Variants in GARNL3 observed in about 807,000 individuals in gnomAD.
The protein encoded by GARNL3 is GTPase activating Rap/RanGAP domain like 3.
In GARNL3, 63 loss-of-function variants were observed where a neutral mutation model predicts 125.0. The ratio of observed to expected loss-of-function variants is 0.50; its 90% CI spans 0.41 to 0.62. GARNL3 has a LOEUF of 0.62. Ranked by LOEUF, GARNL3 falls within the 20% of genes least tolerant of loss-of-function variation. The probability of loss-of-function intolerance (pLI) is 0.00; values close to 1 mark genes in which losing one functional copy is unlikely to be tolerated. For missense variants in GARNL3, 994 were observed against 1,244.0 expected (o/e 0.80, Z 3.02); for synonymous variants, 439 against 457.5 (o/e 0.96, Z 0.52).
At chr9:127,367,116 C>T (rs1588945605) in intron 22 of GARNL3, 2 of 152,146 alleles carry the variant, frequency 1.3e-5, no homozygotes, top group East Asian at 3.8e-4. Flanking sequence ...TTCCATATTT[C>T]TTTTTCCCAA....
chr9:127,311,674 C>A lies in GARNL3; in HGVS notation c.258C>A (p.Asp86Glu). The change falls in exon 3 of 28, where the codon GAC becomes GAA. Residue 86 changes from aspartate to glutamate, a missense_variant. This residue lies in a region of GARNL3 where 139 missense variants were observed against 231.6 expected (regional missense o/e 0.60). Transcript: ENST00000373387. ...TALPGTWRRT[D>E]VHLENPEYHT... ...TGCCTGGTACTTGGCGAAGAACAGACGTGCACTTAGAGAACCCAGAATACC... is the reference window on the plus strand; with the variant it reads ...TGCCTGGTACTTGGCGAAGAACAGAAGTGCACTTAGAGAACCCAGAATACC... The A allele has an allele frequency of 6.2e-7, 1 of 1,613,968 alleles. No homozygotes were observed. The highest frequency in any genetic ancestry group is 8.5e-7 in the Non-Finnish European group (1 of 1,179,852).
chr9:127,289,295 AT>A (rs2064343537), intron 1 of GARNL3, among the ~76,000 whole-genome samples: 1 of 152,228 alleles, frequency 6.6e-6, no homozygotes, highest in Non-Finnish European at 1.5e-5. Flanking sequence ...CTCAGGTTTG[AT>A]AGTTTGCTAG....
chr9:127,261,289 ACCCAGG>A (rs939920638), upstream of GARNL3, among the ~76,000 whole-genome samples: 2 of 151,270 alleles, frequency 1.3e-5, no homozygotes, highest in African/African-American at 4.9e-5. Context: ...GTCATTTAAG[ACCCAGG>A]CCCCTTCATA....
chr9:127,367,137 G>A (rs756017234), intron 22 of GARNL3: 1 of 152,176 alleles, frequency 6.6e-6, no homozygotes, highest in Non-Finnish European at 1.5e-5. Context: ...GACATTGGGA[G>A]GCATCTGGTG....
intron 2 of GARNL3, among the ~76,000 whole-genome samples, chr9:127,254,030 C>T (rs909285905): frequency 1.3e-5 from 2 of 152,166 alleles, no homozygotes; most frequent in East Asian, 3.8e-4. Flanking sequence ...GAGATGGCTT[C>T]ATGGGATTTT....
Position 127,365,211 on chromosome 9 carries a change from C to T in GARNL3, c.2095-89C>T, listed in dbSNP as rs979825430. 7 of 1,080,450 alleles carry T rather than the reference C, an allele frequency of 6.5e-6. 1 individual carries two copies. The highest frequency in any genetic ancestry group is 4.3e-6 in the Non-Finnish European group (3 of 694,842). The allele number at this position is 1,080,450 out of a possible 1,614,324, so 66.9% of individuals were successfully genotyped here. On this transcript the variant is annotated intron_variant, in intron 21 of 27. Transcript: ENST00000373387. Reference sequence around the variant, plus strand: ...ATGGCACCTGCATGACAGAGGGCCTCGGCCTCCACAAATGCTCACAACTTG... The same window carrying T: ...ATGGCACCTGCATGACAGAGGGCCTTGGCCTCCACAAATGCTCACAACTTG...
At chr9:127,381,383 T>C (rs1010006874) in intron 22 of GARNL3, among the ~76,000 whole-genome samples, 1 of 152,050 alleles carries the variant, frequency 6.6e-6, no homozygotes, top group African/African-American at 2.4e-5. Flanking sequence ...CCTTTTTTTT[T>C]CAGAAATTAG....
intron 1 of GARNL3, among the ~76,000 whole-genome samples, chr9:127,231,354 G>A (rs1350143656): frequency 1.3e-5 from 2 of 151,090 alleles, no homozygotes; most frequent in Admixed American, 1.3e-4. Context: ...TTACAGGCGT[G>A]AGCCACTGCG....
chr9:127,232,317 G>A (rs771772416), intron 1 of GARNL3, among the ~76,000 whole-genome samples: 3 of 152,010 alleles, frequency 2.0e-5, no homozygotes, highest in Non-Finnish European at 4.4e-5. Context: ...CCTTCTTTTT[G>A]TCTTTTTAAA....
At position 127,387,551 on chromosome 9, in the gene GARNL3, T is replaced by C. The variant is rs192052452; in HGVS notation, c.2527+220T>C. On this transcript the variant is annotated intron_variant, in intron 25 of 27. Transcript: ENST00000373387. The stretch of plus-strand genomic sequence containing the variant: ...TAAGGCCAGGAGTTCAAGACCAGCC[T>C]GACCAACATGGTGAAACCCCATCTC... Among the ~76,000 whole-genome samples the C allele has an allele frequency of 4.7e-4, 71 of 151,934 alleles. 1 individual carries two copies. Among genetic ancestry groups the C allele is most frequent in the African/African-American group, 1.7e-3 (71 of 41,444 alleles).
intron 1 of GARNL3, among the ~76,000 whole-genome samples, chr9:127,289,583 C>A (rs1270381197): frequency 1.3e-5 from 2 of 152,202 alleles, no homozygotes; most frequent in East Asian, 3.8e-4. Context: ...GGGCTTGATC[C>A]CATAGATGTG....
exon 2 of GARNL3, chr9:127,243,115 G>C: frequency 7.3e-7 from 1 of 1,364,120 alleles, no homozygotes; most frequent in Non-Finnish European, 9.8e-7. Context: ...TGATGGACCC[G>C]TTAACGAAGG....
chr9:127,291,359 A>G (rs1588771070), intron 2 of GARNL3, 117 bp downstream of exon 2: 1 of 829,148 alleles, frequency 1.2e-6, no homozygotes, highest in East Asian at 2.6e-5. Context: ...CTTTGCTTGA[A>G]GCAAATGGAA....
chr9:127,245,489 G>T (rs1473612265), intron 2 of GARNL3: 1 of 152,270 alleles, frequency 6.6e-6, no homozygotes, highest in Non-Finnish European at 1.5e-5. Context: ...GGCCTCACCC[G>T]CTGATCTCAC....
At chr9:127,370,717 C>T (rs770214666) in intron 22 of GARNL3, among the ~76,000 whole-genome samples, 2 of 152,206 alleles carry the variant, frequency 1.3e-5, no homozygotes, top group African/African-American at 4.8e-5. Context: ...TTCTTTCTGC[C>T]CCTCTGGCCC....
chr9:127,383,374 C>A, intron 22 of GARNL3, 64 bp from the exon 23 acceptor site: 1 of 1,006,794 alleles, frequency 9.9e-7, no homozygotes. Context: ...TTTTTCATTT[C>A]TTTAATTACA....
intron 1 of GARNL3, among the ~76,000 whole-genome samples, chr9:127,272,908 C>T (rs2063859131): frequency 6.6e-6 from 1 of 152,068 alleles, no homozygotes; most frequent in Non-Finnish European, 1.5e-5. Context: ...TAACCATTTT[C>T]TGTGATGTAG....
chr9:127,344,123 A>T (rs763425679), intron 14 of GARNL3, 112 bp from the exon 15 acceptor site: 18 of 740,442 alleles, frequency 2.4e-5, no homozygotes, highest in Non-Finnish European at 3.9e-5. Flanking sequence ...AGTGAATGAA[A>T]CAGAAGGTAG....
chr9:127,376,160 A>T (rs1421278939), intron 22 of GARNL3, among the ~76,000 whole-genome samples: 4 of 152,160 alleles, frequency 2.6e-5, no homozygotes, highest in Non-Finnish European at 5.9e-5. Context: ...GGGTTTCACC[A>T]TGTCAGCCAG....
Sources: gnomAD v4.1 joint callset for allele counts (sites outside exome capture counted in the v4.1 genomes callset) on GRCh38, gnomAD v4.1.1 for gene constraint, gnomAD v4.1.1 regional missense constraint, MANE v1.5 for transcripts, NCBI Gene and HGNC (gene_info 2026-07-23, HGNC 2026-07-21) for gene names.